The following DDOST variants were observed in gnomAD, a reference collection of about 807,000 sequenced individuals.
DDOST encodes the protein dolichyl-diphosphooligosaccharide--protein glycosyltransferase 48 kDa subunit.
In DDOST, 25 loss-of-function variants were observed where a neutral mutation model predicts 47.6. That is an observed-to-expected ratio of 0.53 (90% CI 0.38 to 0.73). The LOEUF (loss-of-function observed/expected upper bound fraction) is 0.73, where lower values mean the gene tolerates loss of function less well. Ranked by LOEUF, DDOST falls within the 30% of genes least tolerant of loss-of-function variation. The pLI, the probability that DDOST is intolerant of heterozygous loss-of-function variation, is 0.00. For missense variants in DDOST, 526 were observed against 573.9 expected (o/e 0.92, Z 0.85); for synonymous variants, 275 against 236.0 (o/e 1.17, Z -1.51).
intron 2 of DDOST, among the ~76,000 whole-genome samples, chr1:20,659,869 C>T (rs2053417019): frequency 6.6e-6 from 1 of 152,062 alleles, no homozygotes; most frequent in Non-Finnish European, 1.5e-5. Context: ...ATGATAGCAC[C>T]ACTGCACTCA....
rs949892317 is a variant in DDOST, at chr1:20,654,358, A to C, written c.659T>G (p.Val220Gly). ...AGCAATGAGGAGGGTGTTCTTCCCCACCGCATGTGGATACTGGGAACAAAA... is the reference window on the plus strand; with the variant it reads ...AGCAATGAGGAGGGTGTTCTTCCCCCCCGCATGTGGATACTGGGAACAAAA... ...DKPITQYPHA[V>G]GKNTLLIAGL... Residue 220 changes from valine (V) to glycine (G), a missense_variant, in exon 7 of 11, where the codon GTG (valine) becomes GGG (glycine). Coordinates refer to ENST00000602624, the MANE Select transcript of DDOST (RefSeq NM_005216.5). 4 of 1,559,614 alleles carry C rather than the reference A, an allele frequency of 2.6e-6. No individual in the cohort carries two copies. The Admixed American group carries it at 5.7e-5, about 22-fold the overall frequency.
chr1:20,660,837 C>A, intron 2 of DDOST, 44 bp downstream of exon 2: 1 of 1,169,000 alleles, frequency 8.6e-7, no homozygotes, highest in Non-Finnish European at 1.3e-6. Flanking sequence ...CCATCAAGTC[C>A]CGGGTCTCGA....
chr1:20,660,632 G>C, intron 2 of DDOST: 1 of 391,868 alleles, frequency 2.6e-6, no homozygotes, highest in Non-Finnish European at 4.6e-6. Context: ...CTTCTCAGCA[G>C]AGCAGCAGGG....
intron 8 of DDOST, chr1:20,653,215 T>C: frequency 1.8e-6 from 1 of 567,496 alleles, no homozygotes; most frequent in Non-Finnish European, 3.1e-6. Flanking sequence ...TCACACAGTA[T>C]TCATGGCCCA....
intron 2 of DDOST, among the ~76,000 whole-genome samples, chr1:20,659,836 G>C (rs1198629319): frequency 6.6e-6 from 1 of 152,202 alleles, no homozygotes; most frequent in East Asian, 1.9e-4. Flanking sequence ...CTTGAACCTG[G>C]GAGGTCGAGG....
rs2053342625 is a variant in DDOST, at chr1:20,654,439, C to A, written c.646-68G>T. ...GGGAAAAGCTGCCACGCCTCCCGAA[C>A]AAGAGGACAGCAGGCCAGACCAAAA... On this transcript the variant is annotated intron_variant, in intron 6 of 10. Coordinates refer to ENST00000602624, the MANE Select transcript of DDOST (RefSeq NM_005216.5). 14 of 1,512,530 alleles carry A rather than the reference C, an allele frequency of 9.3e-6. No individual in the cohort carries two copies. The South Asian group carries it at 1.3e-4, about 14-fold the overall frequency. The allele number at this position is 1,512,530 out of a possible 1,614,324, so 93.7% of individuals were successfully genotyped here.
At chr1:20,653,535 G>T in intron 8 of DDOST, 92 bp downstream of exon 8, 2 of 1,322,408 alleles carry the variant, frequency 1.5e-6, no homozygotes, top group Non-Finnish European at 2.1e-6. Context: ...ATGCCCTTTA[G>T]GCCAGCAAAG....
At chr1:20,657,847 G>T (rs1417000141) in intron 2 of DDOST, among the ~76,000 whole-genome samples, 1 of 152,236 alleles carries the variant, frequency 6.6e-6, no homozygotes, top group Non-Finnish European at 1.5e-5. Context: ...AGGCCAGGCA[G>T]TCTTGGACAT....
intron 3 of DDOST, 118 bp downstream of exon 3, chr1:20,655,983 T>C (rs987320613): frequency 1.1e-6 from 1 of 929,198 alleles, no homozygotes; most frequent in East Asian, 2.4e-5. Context: ...AACGGTTCCC[T>C]CACTGACTCC....
At chr1:20,655,902 C>T (rs1570415812) in intron 3 of DDOST, 123 bp from the exon 4 acceptor site, 1 of 908,550 alleles carries the variant, frequency 1.1e-6, no homozygotes, top group East Asian at 2.4e-5. Context: ...TCCAGCTGGG[C>T]TCAGCCCCAG....
Position 20,653,645 on chromosome 1 carries a change from G to T in DDOST, c.924C>A (p.Tyr308Ter). Residue 308 changes from tyrosine (Y) to a stop codon, truncating the protein, a stop_gained, in exon 8 of 11, where the codon TAC (tyrosine) becomes TAA (stop). Transcript: ENST00000602624. LOFTEE classifies it high-confidence loss of function. ...CTCTTACCACTAGGTCAGTGACAGT[G>T]TAGGCATTGGGTGGGGCTGTCTCGC... ...RVGETAPPNA[Y>*]TVTDLVEYSI... 6.2e-7 allele frequency: 1 copy of T among 1,609,636 alleles called. No individual in the cohort carries two copies. Among genetic ancestry groups the T allele is most frequent in the East Asian group, 2.2e-5 (1 of 44,768 alleles).
chr1:20,652,395 T>C lies in DDOST; in HGVS notation c.1304A>G (p.Lys435Arg). 1 of 1,613,152 alleles carries C rather than the reference T, an allele frequency of 6.2e-7. No homozygotes were observed. The highest frequency in any genetic ancestry group is 8.5e-7 in the Non-Finnish European group (1 of 1,179,570). ...TCTAGCCCCTCAGTCGGACTTCTCC[T>C]TCTCCTTCATGTGCAAGAAGACGAT... ...FSIVFLHMKEKEKSD is the reference protein window; with the variant it reads ...FSIVFLHMKEREKSD The change falls in exon 11 of 11, where the codon AAG (lysine) becomes AGG (arginine). Residue 435 changes from lysine to arginine, a missense_variant. Lys to Arg is a conservative substitution (Grantham distance 26). Transcript: ENST00000602624.
intron 2 of DDOST, among the ~76,000 whole-genome samples, chr1:20,659,146 T>C (rs1216119701): frequency 6.8e-6 from 1 of 146,398 alleles, no homozygotes; most frequent in Non-Finnish European, 1.5e-5. Flanking sequence ...GGATAAGCTA[T>C]CATACCTAGC....
Position 20,655,470 on chromosome 1 carries a change from G to C in DDOST, c.521C>G (p.Ser174Cys). 6.2e-7 allele frequency: 1 copy of C among 1,614,036 alleles called. No individual in the cohort carries two copies. Among genetic ancestry groups the C allele is most frequent in the South Asian group, 1.1e-5 (1 of 91,072 alleles). ...ACCTCGAAAGAGGATGGGATTTAGA[G>C]ATGATTTCCCAACGATGGTTGGGGC... ...LKAPTIVGKS[S>C]LNPILFRGVG... is the part of the protein sequence containing the mutation. Residue 174 changes from serine to cysteine, a missense_variant, in exon 5 of 11, where the codon TCT becomes TGT. By Grantham distance (112) the Ser-to-Cys change is moderately radical. Coordinates refer to ENST00000602624, the MANE Select transcript of DDOST (RefSeq NM_005216.5).
intron 2 of DDOST, among the ~76,000 whole-genome samples, chr1:20,658,166 C>T (rs967502405): frequency 6.6e-6 from 1 of 152,248 alleles, no homozygotes; most frequent in Non-Finnish European, 1.5e-5. Flanking sequence ...CTTCTGAACC[C>T]ACTTCCCCAT....
intron 8 of DDOST, 73 bp downstream of exon 8, chr1:20,653,554 A>G: frequency 6.9e-6 from 10 of 1,455,668 alleles, no homozygotes. Flanking sequence ...AGAAGTGTTC[A>G]ATAAGTGCTT....
At chr1:20,660,764 C>G (rs2053425720) in intron 2 of DDOST, 117 bp downstream of exon 2, 1 of 647,486 alleles carries the variant, frequency 1.5e-6, no homozygotes, top group African/African-American at 1.8e-5. Context: ...CGTGGTAGCA[C>G]CATCCAGGAC....
intron 2 of DDOST, 96 bp downstream of exon 2, chr1:20,660,785 T>A (rs528418609): frequency 1.8e-5 from 13 of 728,310 alleles, no homozygotes; most frequent in South Asian, 1.7e-4. Flanking sequence ...TGGCAACCCA[T>A]CCTGTGACCC....
intron 2 of DDOST, among the ~76,000 whole-genome samples, chr1:20,660,078 G>A (rs2053419161): frequency 6.6e-6 from 1 of 152,174 alleles, no homozygotes; most frequent in Non-Finnish European, 1.5e-5. Context: ...CACCAAAAAA[G>A]TATGGCAAAA....
Sources: gnomAD v4.1 joint callset for allele counts (sites outside exome capture counted in the v4.1 genomes callset) on GRCh38, gnomAD v4.1.1 for gene constraint, MANE v1.5 for transcripts, NCBI Gene and HGNC (gene_info 2026-07-23, HGNC 2026-07-21) for gene names.